The following CDC27 variants were observed in gnomAD, a reference collection of about 807,000 sequenced individuals.
The protein encoded by CDC27 is cell division cycle protein 27 homolog.
CDC27 carries 27 observed loss-of-function variants against 109.7 expected under a neutral mutation model. The observed-to-expected ratio is 0.25, with a 90% CI of 0.18 to 0.34. CDC27 has a LOEUF of 0.34. Among genes scored for constraint, CDC27 ranks in the 10% least tolerant of loss-of-function variants. CDC27 has a pLI of 1.00. For missense variants in CDC27, 579 were observed against 960.2 expected (o/e 0.60, Z 5.25); for synonymous variants, 266 against 333.9 (o/e 0.80, Z 2.22).
At chr17:47,158,437 A>G (rs941671429) in intron 4 of CDC27, 134 bp from the exon 5 acceptor site, 1 of 411,982 alleles carries the variant, frequency 2.4e-6, no homozygotes, top group Non-Finnish European at 4.3e-6. Flanking sequence ...TAAGTTACCA[A>G]TTTCTCCCAT....
chr17:47,189,215 C>G lies in CDC27; in HGVS notation c.-43G>C, dbSNP rs199829880. 5.1e-5 allele frequency: 79 copies of G among 1,552,044 alleles called. 1 individual carries two copies. The highest frequency in any genetic ancestry group is 3.1e-4 in the African/African-American group (23 of 73,918). On this transcript the variant is annotated 5_prime_UTR_variant, in exon 1 of 19. Transcript: ENST00000066544. ...ACTTTCTGCAGTGCCTCAGGCCCCC[C>G]CTGTAGCGGCTCCGGCCCGGCCAGC...
chr17:47,130,865 G>A (rs11570549), intron 15 of CDC27, among the ~76,000 whole-genome samples: 6,766 of 137,690 alleles, frequency 0.049, 209 homozygotes, highest in Middle Eastern at 0.13. Flanking sequence ...CAACAAGAGC[G>A]AAACTCCATC....
At chr17:47,148,464 C>T (rs1472351342) in intron 9 of CDC27, among the ~76,000 whole-genome samples, 1 of 152,026 alleles carries the variant, frequency 6.6e-6, no homozygotes, top group Non-Finnish European at 1.5e-5. Flanking sequence ...ATACAAGTAC[C>T]TGGAGTCCCA....
intron 16 of CDC27, 22 bp from the exon 17 acceptor site, chr17:47,123,982 C>T: frequency 6.5e-7 from 1 of 1,530,230 alleles, no homozygotes; most frequent in Non-Finnish European, 8.8e-7. Flanking sequence ...AAAGAAAAAC[C>T]TTAAAGTAGC....
intron 14 of CDC27, among the ~76,000 whole-genome samples, chr17:47,133,028 T>TATATATATATACAC (rs1555783886): frequency 1.3e-4 from 4 of 29,832 alleles, no homozygotes; most frequent in Non-Finnish European, 1.8e-4. Flanking sequence ...TATATATATA[T>TATATATATATACAC]ACACACACAC....
chr17:47,164,929 C>CCACTACTA (rs1250991005), intron 4 of CDC27, among the ~76,000 whole-genome samples: 1 of 152,154 alleles, frequency 6.6e-6, no homozygotes, highest in Non-Finnish European at 1.5e-5. Context: ...ATTTCTATAA[C>CCACTACTA]CACTACTACA....
Position 47,158,195 on chromosome 17 carries a change from C to A in CDC27, c.475+11G>T. On this transcript the variant is annotated intron_variant, in intron 5 of 18. Coordinates refer to ENST00000066544, the MANE Select transcript of CDC27 (RefSeq NM_001256.6). ...TGGGAACCCACCCACCTCTCAACCCCACCCACCTACCTATTTCACATAATG... is the reference window on the plus strand; with the variant it reads ...TGGGAACCCACCCACCTCTCAACCCAACCCACCTACCTATTTCACATAATG... 1 of 1,378,692 alleles carries A rather than the reference C, an allele frequency of 7.3e-7. No individual in the cohort carries two copies. The highest frequency in any genetic ancestry group is 9.9e-7 in the Non-Finnish European group (1 of 1,010,194). The allele number at this position is 1,378,692 out of a possible 1,614,324, so 85.4% of individuals were successfully genotyped here. A position where few individuals can be genotyped will look rare whatever the true frequency, so the allele number is the denominator to read the frequency against.
intron 8 of CDC27, among the ~76,000 whole-genome samples, chr17:47,152,861 T>A (rs1311967382): frequency 6.6e-6 from 1 of 152,210 alleles, no homozygotes; most frequent in Non-Finnish European, 1.5e-5. Flanking sequence ...TGGCCCTTTA[T>A]CCTTCTACTA....
intron 13 of CDC27, among the ~76,000 whole-genome samples, chr17:47,138,506 A>G (rs758892107): frequency 6.6e-6 from 1 of 152,216 alleles, no homozygotes; most frequent in Non-Finnish European, 1.5e-5. Flanking sequence ...TAACGTAGTC[A>G]AATCTCGATA....
Position 47,138,770 on chromosome 17 carries a change from T to C in CDC27, c.1673A>G (p.Asp558Gly). ...KDVALSVLSK[D>G]LTDMDKNSPE... Reference sequence around the variant, plus strand: ...CGAATTTTTATCCATGTCTGTTAAGTCTTTTGACAGAACTGAAAGAGCAAC... The same window carrying C: ...CGAATTTTTATCCATGTCTGTTAAGCCTTTTGACAGAACTGAAAGAGCAAC... The change falls in exon 13 of 19, where the codon GAC becomes GGC. Residue 558 changes from aspartate to glycine, a missense_variant. Around this residue, in one of 9 missense-constraint regions of CDC27, gnomAD observed 227 missense variants for 363.6 expected, o/e 0.62. Transcript: ENST00000066544. 6.2e-7 allele frequency: 1 copy of C among 1,611,178 alleles called. No homozygotes were observed. Among genetic ancestry groups the C allele is most frequent in the Non-Finnish European group, 8.5e-7 (1 of 1,179,312 alleles).
At chr17:47,158,518 C>T (rs534159532) in intron 4 of CDC27, among the ~76,000 whole-genome samples, 3 of 152,086 alleles carry the variant, frequency 2.0e-5, no homozygotes, top group South Asian at 2.1e-4. Context: ...AACAAACTAT[C>T]GTTGCCTTCT....
chr17:47,129,532 T>C lies in CDC27; in HGVS notation c.2032-11A>G, dbSNP rs1327633226. 1.3e-6 allele frequency: 2 copies of C among 1,582,880 alleles called. No homozygotes were observed. Among genetic ancestry groups the C allele is most frequent in the Non-Finnish European group, 8.6e-7 (1 of 1,162,942 alleles). On this transcript the variant is annotated splice_polypyrimidine_tract_variant and intron_variant, in intron 15 of 18. Coordinates refer to ENST00000066544, the MANE Select transcript of CDC27 (RefSeq NM_001256.6). ...CAGTGCATGTTGAACCTGTAAGAAATAAAGATCATGTTAATACTCCCTCTT... is the reference window on the plus strand; with the variant it reads ...CAGTGCATGTTGAACCTGTAAGAAACAAAGATCATGTTAATACTCCCTCTT...
At chr17:47,137,509 T>G (rs2062654625) in intron 13 of CDC27, 149 bp from the exon 14 acceptor site, 1 of 519,642 alleles carries the variant, frequency 1.9e-6, no homozygotes, top group Admixed American at 3.9e-5. Context: ...ATTCACAGAT[T>G]CCATATTTGT....
In CDC27 at chr17:47,181,592, C is replaced by T. The variant is rs768964687; in HGVS notation, c.73G>A (p.Val25Ile). ...GCATAAAGGCGTTCTGCGAGGAAAA[C>T]CGCATCTCGGTAAGCATAGTGGTTT... ...ALNHYAYRDA[V>I]FLAERLYAEV... Residue 25 changes from valine (V) to isoleucine (I), a missense_variant, in exon 2 of 19, where the codon GTT (valine) becomes ATT (isoleucine). By Grantham distance (29) the Val-to-Ile change is conservative. This residue lies in a region of CDC27 where 44 missense variants were observed against 102.2 expected (regional missense o/e 0.43). Coordinates refer to ENST00000066544, the MANE Select transcript of CDC27 (RefSeq NM_001256.6). 2.6e-5 allele frequency: 42 copies of T among 1,608,702 alleles called. No homozygotes were observed. The highest frequency in any genetic ancestry group is 1.7e-4 in the Middle Eastern group (1 of 5,828).
Position 47,142,105 on chromosome 17 carries a change from A to C in CDC27, c.1379-80T>G. On this transcript the variant is annotated intron_variant, in intron 11 of 18. Coordinates refer to ENST00000066544, the MANE Select transcript of CDC27 (RefSeq NM_001256.6). ...TCTCTAGAAAAGGTAATTACAAACT[A>C]ATCTATTAAAAATTCCAACATCTAT... 13 of 1,206,970 alleles carry C rather than the reference A, an allele frequency of 1.1e-5. No individual in the cohort carries two copies. The South Asian group carries it at 1.8e-4, about 17-fold the overall frequency. The allele number at this position is 1,206,970 out of a possible 1,614,324, so 74.8% of individuals were successfully genotyped here.
chr17:47,121,967 A>AC (rs1196536554), intron 18 of CDC27, among the ~76,000 whole-genome samples: 2 of 151,680 alleles, frequency 1.3e-5, no homozygotes, highest in African/African-American at 2.4e-5. Flanking sequence ...TCATCTCCTG[A>AC]CCTCAGGTGA....
At chr17:47,129,108 T>C (rs2062238355) in intron 16 of CDC27, among the ~76,000 whole-genome samples, 3 of 152,100 alleles carry the variant, frequency 2.0e-5, no homozygotes, top group Admixed American at 2.0e-4. Flanking sequence ...ATTTTGGTCC[T>C]AAGAGGATGG....
intron 9 of CDC27, among the ~76,000 whole-genome samples, chr17:47,148,907 A>G (rs113496501): frequency 2.3e-4 from 35 of 151,854 alleles, no homozygotes; most frequent in African/African-American, 8.0e-4. Flanking sequence ...GGTGAAAGCC[A>G]ATCTCTACTA....
At chr17:47,170,836 C>G (rs982953043) in intron 3 of CDC27, 1 of 152,208 alleles carries the variant, frequency 6.6e-6, no homozygotes, top group African/African-American at 2.4e-5. Context: ...CACAGTGGCT[C>G]AAGCCTATAA....
Sources: gnomAD v4.1 joint callset for allele counts (sites outside exome capture counted in the v4.1 genomes callset) on GRCh38, gnomAD v4.1.1 for gene constraint, gnomAD v4.1.1 regional missense constraint, MANE v1.5 for transcripts, NCBI Gene and HGNC (gene_info 2026-07-23, HGNC 2026-07-21) for gene names.